EYS: variants seen among roughly 807,000 people sequenced by gnomAD.
EYS encodes protein eyes shut homolog.
Under a neutral mutation model 282.1 loss-of-function variants are expected in EYS, and 250 were observed. The ratio of observed to expected loss-of-function variants is 0.89; its 90% CI spans 0.80 to 0.98. The LOEUF is 0.98. EYS is among the 50% of genes least tolerant of loss of function. The pLI is 0.00. For missense variants in EYS, 4,016 were observed against 3,709.0 expected (o/e 1.08, Z -2.15); for synonymous variants, 1,355 against 1,282.9 (o/e 1.06, Z -1.20).
At chr6:65,508,270 T>C (rs1439028202) in intron 2 of EYS, among the ~76,000 whole-genome samples, 2 of 152,170 alleles carry the variant, frequency 1.3e-5, no homozygotes, top group Admixed American at 6.5e-5. Context: ...GTTGGTTTGA[T>C]GGTAACGTAT....
rs1375782713 is a variant in EYS, at chr6:63,940,452, A to G, written c.7055+43931T>C. On this transcript the variant is annotated intron_variant, in intron 35 of 42. Transcript: ENST00000503581. ...GCTTTTATGTGGATATAGGATTGCT[A>G]TGATTTGAGAAATTTATTCATTATA... Among the ~76,000 whole-genome samples, 9 of 152,330 alleles carry G rather than the reference A, an allele frequency of 5.9e-5. No individual in the cohort carries two copies. In the South Asian group the frequency reaches 1.4e-3, roughly 25 times the overall value.
At chr6:65,198,883 T>C (rs1009584828) in intron 12 of EYS, among the ~76,000 whole-genome samples, 10 of 151,990 alleles carry the variant, frequency 6.6e-5, no homozygotes, top group South Asian at 2.1e-4. Flanking sequence ...ATGGATTTGA[T>C]TGGGGGGTGC....
At chr6:63,981,494 G>A (rs115734821) in intron 35 of EYS, among the ~76,000 whole-genome samples, 1 of 151,776 alleles carries the variant, frequency 6.6e-6, no homozygotes, top group Non-Finnish European at 1.5e-5. Flanking sequence ...TGTATGCAAC[G>A]GTGTAAGTAG....
At chr6:65,425,237 TA>T (rs1327985043) in intron 5 of EYS, among the ~76,000 whole-genome samples, 1 of 152,130 alleles carries the variant, frequency 6.6e-6, no homozygotes, top group Non-Finnish European at 1.5e-5. Flanking sequence ...AATTACAAAC[TA>T]ATCTGTCTCT....
intron 31 of EYS, among the ~76,000 whole-genome samples, chr6:64,230,143 T>A (rs536566605): frequency 6.6e-6 from 1 of 152,340 alleles, no homozygotes; most frequent in Admixed American, 6.5e-5. Flanking sequence ...ACCATATTCT[T>A]AAGCATCAAA....
intron 5 of EYS, among the ~76,000 whole-genome samples, chr6:65,413,394 A>T (rs1483046532): frequency 3.3e-5 from 5 of 152,226 alleles, no homozygotes; most frequent in Admixed American, 3.3e-4. Flanking sequence ...CATATAATCA[A>T]TTAATTATAT....
chr6:65,477,356 G>A (rs756639029), intron 5 of EYS, among the ~76,000 whole-genome samples: 28 of 152,188 alleles, frequency 1.8e-4, no homozygotes, highest in Non-Finnish European at 3.1e-4. Flanking sequence ...GTTGAACAAA[G>A]AATGAAAATA....
At chr6:64,875,525 T>C (rs1766721654) in intron 19 of EYS, among the ~76,000 whole-genome samples, 1 of 152,088 alleles carries the variant, frequency 6.6e-6, no homozygotes, top group African/African-American at 2.4e-5. Flanking sequence ...GTTCCCTATG[T>C]AAAGTGCTCG....
chr6:65,331,755 A>G (rs1250995307), intron 11 of EYS: 2 of 979,072 alleles, frequency 2.0e-6, no homozygotes, highest in African/African-American at 1.8e-5. Flanking sequence ...GCACTATTCT[A>G]TGTGTCTTTT....
At position 63,864,355 on chromosome 6, in the gene EYS, A is replaced by C. The variant is rs771265979; in HGVS notation, c.7059T>G (p.Asp2353Glu). Residue 2353 changes from aspartate to glutamate, a missense_variant, in exon 36 of 43, where the codon GAT becomes GAG. Transcript: ENST00000503581. ...GACACTCACAAAACAGATTTTCATT[A>C]TCACTGAGAAGGGAAAAAATTTAAA... The part of the protein sequence containing the change: ...LCRNNGTCIS[D>E]NENLFCECPR... 4.5e-6 allele frequency: 7 copies of C among 1,549,868 alleles called. No individual in the cohort carries two copies. In the East Asian group the frequency reaches 1.7e-4, roughly 38 times the overall value.
intron 22 of EYS, among the ~76,000 whole-genome samples, chr6:64,752,842 G>A (rs1400923387): frequency 6.6e-6 from 1 of 152,076 alleles, no homozygotes; most frequent in African/African-American, 2.4e-5. Flanking sequence ...GATCATCAAA[G>A]ACTACTAGAA....
chr6:65,257,949 G>T (rs942803060), intron 12 of EYS, among the ~76,000 whole-genome samples: 1 of 151,822 alleles, frequency 6.6e-6, no homozygotes, highest in African/African-American at 2.4e-5. Flanking sequence ...GGTGACTGTA[G>T]TCAACAAGAA....
At chr6:65,505,650 C>T (rs1327744521) in intron 2 of EYS, among the ~76,000 whole-genome samples, 1 of 151,974 alleles carries the variant, frequency 6.6e-6, no homozygotes, top group Non-Finnish European at 1.5e-5. Flanking sequence ...CTTCTTTGAC[C>T]AATGTGTTAT....
At chr6:64,427,531 T>C (rs1774447210) in intron 28 of EYS, among the ~76,000 whole-genome samples, 1 of 152,152 alleles carries the variant, frequency 6.6e-6, no homozygotes, top group South Asian at 2.1e-4. Context: ...TGAAGCTTGC[T>C]ACCTTCAATA....
At chr6:64,955,442 G>T (rs1769665853) in intron 14 of EYS, among the ~76,000 whole-genome samples, 1 of 152,148 alleles carries the variant, frequency 6.6e-6, no homozygotes, top group Non-Finnish European at 1.5e-5. Context: ...CACACAGAGA[G>T]GGAGAGTCTT....
chr6:63,991,673 A>C (rs1044957849), intron 34 of EYS, among the ~76,000 whole-genome samples: 1 of 151,646 alleles, frequency 6.6e-6, no homozygotes, highest in Non-Finnish European at 1.5e-5. Flanking sequence ...AGAAAGAAAG[A>C]AGAAAAAGCT....
chr6:64,403,330 T>G (rs1773597930), intron 28 of EYS, among the ~76,000 whole-genome samples: 1 of 152,164 alleles, frequency 6.6e-6, no homozygotes, highest in Admixed American at 6.6e-5. Flanking sequence ...TTTATTTTTC[T>G]TAATCATTAA....
At chr6:65,483,939 G>A (rs1765695194) in intron 5 of EYS, among the ~76,000 whole-genome samples, 3 of 152,088 alleles carry the variant, frequency 2.0e-5, no homozygotes, top group Admixed American at 2.0e-4. Context: ...CATGAGAACA[G>A]CATGGGAAAG....
chr6:65,359,271 T>G (rs1764608646), intron 8 of EYS, among the ~76,000 whole-genome samples: 1 of 152,062 alleles, frequency 6.6e-6, no homozygotes, highest in Non-Finnish European at 1.5e-5. Context: ...GTATCAAAGT[T>G]TTGTGATTTT....
Sources: gnomAD v4.1 joint callset for allele counts (sites outside exome capture counted in the v4.1 genomes callset) on GRCh38, gnomAD v4.1.1 for gene constraint, MANE v1.5 for transcripts, NCBI Gene and HGNC (gene_info 2026-07-23, HGNC 2026-07-21) for gene names.